The following GRM3 variants were observed in gnomAD, a reference collection of about 807,000 sequenced individuals.
GRM3 encodes glutamate metabotropic receptor 3, also known as metabotropic glutamate receptor 3.
GRM3 carries 26 observed loss-of-function variants against 70.5 expected under a neutral mutation model. The ratio of observed to expected loss-of-function variants is 0.37; its 90% CI spans 0.27 to 0.51. GRM3 has a LOEUF of 0.51. GRM3 is among the 20% of genes least tolerant of loss of function. GRM3 has a pLI of 0.93. For synonymous variants in GRM3, 443 were observed against 434.9 expected, an observed-to-expected ratio of 1.02 and a Z score of -0.23; for missense variants, 859 against 1,123.8, an observed-to-expected ratio of 0.76 and a Z score of 3.37.
At chr7:86,655,742 C>T (rs1181452822) in intron 1 of GRM3, among the ~76,000 whole-genome samples, 1 of 151,284 alleles carries the variant, frequency 6.6e-6, no homozygotes, top group African/African-American at 2.4e-5. Flanking sequence ...GGAAGGTAGG[C>T]GAAAACAAGA....
intron 3 of GRM3, among the ~76,000 whole-genome samples, chr7:86,827,795 C>G (rs777896498): frequency 1.3e-5 from 2 of 152,158 alleles, no homozygotes; most frequent in Non-Finnish European, 2.9e-5. Context: ...TGAGCCACCA[C>G]GCCCACTGTC....
intron 5 of GRM3, among the ~76,000 whole-genome samples, chr7:86,860,473 A>C (rs1284817345): frequency 6.6e-6 from 1 of 152,238 alleles, no homozygotes; most frequent in Non-Finnish European, 1.5e-5. Context: ...AAAGAGAAGC[A>C]GAAAAATATA....
At chr7:86,657,424 A>G (rs1241609028) in intron 1 of GRM3, among the ~76,000 whole-genome samples, 4 of 152,222 alleles carry the variant, frequency 2.6e-5, no homozygotes, top group African/African-American at 9.7e-5. Flanking sequence ...CTGGGCTCTA[A>G]AAAATTAGGA....
chr7:86,741,914 T>C (rs1470146667), intron 1 of GRM3, among the ~76,000 whole-genome samples: 3 of 152,234 alleles, frequency 2.0e-5, no homozygotes, highest in Non-Finnish European at 4.4e-5. Context: ...GTAGTACTTC[T>C]CAGTTGTTCC....
intron 1 of GRM3, among the ~76,000 whole-genome samples, chr7:86,738,878 C>T (rs1795923039): frequency 6.6e-6 from 1 of 152,050 alleles, no homozygotes; most frequent in Admixed American, 6.6e-5. Context: ...CCTTATATAC[C>T]TGGTTTTTTG....
intron 1 of GRM3, among the ~76,000 whole-genome samples, chr7:86,741,478 A>C (rs1001607058): frequency 2.0e-5 from 3 of 152,160 alleles, no homozygotes; most frequent in Admixed American, 2.0e-4. Context: ...GTGGTATAAG[A>C]AGTTAATATT....
In GRM3 at chr7:86,655,820, C is replaced by CTGTGTGTGTGTGTGTG. The variant is rs371609030; in HGVS notation, c.-141+10965_-141+10980dup. On this transcript the variant is annotated intron_variant, in intron 1 of 5. Coordinates refer to ENST00000361669, the MANE Select transcript of GRM3 (RefSeq NM_000840.3). ...GACCCCAAGATTTTTAAGGCTAACT[C>CTGTGTGTGTGTGTGTG]TGTGTGTGTGTGTGTGTGTGTGTGT... Among the ~76,000 whole-genome samples the CTGTGTGTGTGTGTGTG allele has an allele frequency of 2.8e-5, 4 of 144,550 alleles. No homozygotes were observed. The East Asian group carries it at 8.1e-4, about 29-fold the overall frequency. The allele number at this position is 144,550 out of a possible 152,430, so 94.8% of individuals were successfully genotyped here. A position where few individuals can be genotyped will look rare whatever the true frequency, so the allele number is the denominator to read the frequency against.
chr7:86,818,151 C>T (rs1798052789), intron 3 of GRM3, among the ~76,000 whole-genome samples: 1 of 151,978 alleles, frequency 6.6e-6, no homozygotes, highest in South Asian at 2.1e-4. Context: ...GCCTGAAAGA[C>T]CAGCTCTGCT....
chr7:86,664,406 T>C (rs756458313), intron 1 of GRM3, among the ~76,000 whole-genome samples: 4 of 152,002 alleles, frequency 2.6e-5, no homozygotes, highest in Non-Finnish European at 5.9e-5. Flanking sequence ...ACATATATAA[T>C]GAATCAGTTG....
intron 1 of GRM3, among the ~76,000 whole-genome samples, chr7:86,722,395 A>G (rs927958565): frequency 6.6e-6 from 1 of 152,146 alleles, no homozygotes; most frequent in Non-Finnish European, 1.5e-5. Flanking sequence ...AATGTGGTAC[A>G]TATACACCAT....
At chr7:86,658,304 G>T (rs1793797875) in intron 1 of GRM3, among the ~76,000 whole-genome samples, 1 of 152,136 alleles carries the variant, frequency 6.6e-6, no homozygotes, top group African/African-American at 2.4e-5. Flanking sequence ...TTGAGACATG[G>T]TTTACCTGGC....
intron 1 of GRM3, among the ~76,000 whole-genome samples, chr7:86,665,899 C>CA (rs1794012688): frequency 6.6e-6 from 1 of 151,948 alleles, no homozygotes; most frequent in African/African-American, 2.4e-5. Context: ...TTACATTAGG[C>CA]AAAATCTTAG....
At chr7:86,841,193 G>T (rs1798552895) in intron 4 of GRM3, among the ~76,000 whole-genome samples, 2 of 152,102 alleles carry the variant, frequency 1.3e-5, no homozygotes. Flanking sequence ...AGGCAAATCT[G>T]TTTAAAGCTT....
rs556348781 is a variant in GRM3 at position 86,762,649 on chromosome 7, A to C, written c.-140-2357A>C. Among the ~76,000 whole-genome samples, 9 of 152,288 alleles carry C rather than the reference A, an allele frequency of 5.9e-5. 1 individual carries two copies. The Middle Eastern group carries it at 0.01, about 173-fold the overall frequency. On this transcript the variant is annotated intron_variant, in intron 1 of 5. Transcript: ENST00000361669. ...TAGCAATAGCAAACATTTCTTGAAC[A>C]AACTACAACAGGAATATAAAGCCAG...
intron 2 of GRM3, among the ~76,000 whole-genome samples, chr7:86,771,322 A>G (rs1404825772): frequency 6.6e-6 from 1 of 152,128 alleles, no homozygotes; most frequent in Non-Finnish European, 1.5e-5. Context: ...TAAAATATGG[A>G]GCAGAAAGTT....
chr7:86,759,044 C>G (rs978450439), intron 1 of GRM3, among the ~76,000 whole-genome samples: 19 of 152,094 alleles, frequency 1.2e-4, no homozygotes, highest in African/African-American at 3.6e-4. Context: ...GGATTTCAAA[C>G]AGCCTTAAAC....
intron 1 of GRM3, among the ~76,000 whole-genome samples, chr7:86,657,105 A>C (rs1056146980): frequency 6.6e-6 from 1 of 152,186 alleles, no homozygotes; most frequent in Non-Finnish European, 1.5e-5. Context: ...TTTCGATCTC[A>C]AATAGAATAA....
intron 3 of GRM3, among the ~76,000 whole-genome samples, chr7:86,803,230 T>C (rs1049538371): frequency 6.6e-6 from 1 of 152,218 alleles, no homozygotes; most frequent in East Asian, 1.9e-4. Context: ...AAACAACAGA[T>C]ATACAAACAA....
intron 3 of GRM3, among the ~76,000 whole-genome samples, chr7:86,833,690 T>G (rs1190766235): frequency 6.6e-6 from 1 of 152,208 alleles, no homozygotes; most frequent in Non-Finnish European, 1.5e-5. Context: ...TTCTCACATG[T>G]GGAATATTTG....
Sources: gnomAD v4.1 joint callset for allele counts (sites outside exome capture counted in the v4.1 genomes callset) on GRCh38, gnomAD v4.1.1 for gene constraint, MANE v1.5 for transcripts, NCBI Gene and HGNC (gene_info 2026-07-23, HGNC 2026-07-21) for gene names.